ABCG2: variants seen among roughly 807,000 people sequenced by gnomAD.
The protein encoded by ABCG2 is broad substrate specificity ATP-binding cassette transporter ABCG2.
In ABCG2, 80 loss-of-function variants were observed where a neutral mutation model predicts 73.5. The observed-to-expected ratio is 1.09, with a 90% CI of 0.91 to 1.31. The LOEUF is 1.31. ABCG2 is among the 50% of genes most tolerant of loss of function. The pLI is 0.00. For missense variants in ABCG2, 796 were observed against 786.2 expected, an observed-to-expected ratio of 1.01 and a Z score of -0.15; for synonymous variants, 269 against 282.4, an observed-to-expected ratio of 0.95 and a Z score of 0.48.
chr4:88,146,014 G>A (rs549446793), intron 1 of ABCG2, among the ~76,000 whole-genome samples: 6 of 152,054 alleles, frequency 3.9e-5, no homozygotes, highest in South Asian at 2.1e-4. Context: ...AAGGACTAGC[G>A]GGGAGGTAAC....
intron 5 of ABCG2, among the ~76,000 whole-genome samples, chr4:88,125,614 A>C (rs1196204938): frequency 3.4e-5 from 5 of 146,376 alleles, no homozygotes; most frequent in Admixed American, 6.7e-5. Flanking sequence ...TCTCAAAAAA[A>C]AAAAAAAAAA....
upstream of ABCG2, among the ~76,000 whole-genome samples, chr4:88,160,493 A>T (rs781441318): frequency 6.6e-6 from 1 of 152,164 alleles, no homozygotes; most frequent in Non-Finnish European, 1.5e-5. Flanking sequence ...GCACATTTTT[A>T]AAAATGGATA....
At chr4:88,166,062 C>T (rs994132660) in intron 1 of ABCG2, among the ~76,000 whole-genome samples, 31 of 152,162 alleles carry the variant, frequency 2.0e-4, no homozygotes, top group Non-Finnish European at 4.3e-4. Flanking sequence ...AATGGAGGGA[C>T]CCACTGGCAC....
intron 1 of ABCG2, among the ~76,000 whole-genome samples, chr4:88,156,559 A>G (rs1726959037): frequency 6.6e-6 from 1 of 152,130 alleles, no homozygotes; most frequent in South Asian, 2.1e-4. Context: ...ACTGATACAA[A>G]TAACTGAATC....
chr4:88,150,935 C>T (rs1726435756), intron 1 of ABCG2, among the ~76,000 whole-genome samples: 1 of 152,184 alleles, frequency 6.6e-6, no homozygotes, highest in Non-Finnish European at 1.5e-5. Context: ...TCTGCAAAAT[C>T]GCCTGCCCCA....
intron 1 of ABCG2, among the ~76,000 whole-genome samples, chr4:88,230,312 T>A (rs757236091): frequency 0.87 from 100,539 of 115,840 alleles, 43,822 homozygotes; most frequent in East Asian, 0.96. Flanking sequence ...TATATATTTT[T>A]TTTTTTGGCC....
At chr4:88,211,358 G>GA (rs1553900212) in intron 1 of ABCG2, among the ~76,000 whole-genome samples, 1 of 33,648 alleles carries the variant, frequency 3.0e-5, no homozygotes, top group Non-Finnish European at 5.6e-5. Flanking sequence ...TTCAACCCCT[G>GA]CCCCACCCCC....
intron 11 of ABCG2, among the ~76,000 whole-genome samples, chr4:88,099,811 G>A (rs1578171635): frequency 6.6e-6 from 1 of 152,122 alleles, no homozygotes; most frequent in Non-Finnish European, 1.5e-5. Flanking sequence ...CAGCACTTCA[G>A]TAGCCGATTT....
At chr4:88,121,559 C>T in intron 6 of ABCG2, 76 bp downstream of exon 6, 2 of 1,359,808 alleles carry the variant, frequency 1.5e-6, no homozygotes, top group Non-Finnish European at 2.0e-6. Flanking sequence ...CATTTCTGAA[C>T]CCCCTGCCCC....
chr4:88,140,201 T>C (rs868667741), intron 1 of ABCG2, among the ~76,000 whole-genome samples, 187 bp from the exon 2 acceptor site: 5 of 152,182 alleles, frequency 3.3e-5, no homozygotes, highest in Non-Finnish European at 5.9e-5. Context: ...CAGGCACAAC[T>C]TGGAATGCAT....
intron 3 of ABCG2, 83 bp from the exon 4 acceptor site, chr4:88,132,000 G>T: frequency 1.2e-6 from 1 of 850,038 alleles, no homozygotes; most frequent in Non-Finnish European, 1.8e-6. Flanking sequence ...TCCAACACAT[G>T]CTATATATCT....
At chr4:88,217,707 C>G (rs1038259196) in intron 1 of ABCG2, among the ~76,000 whole-genome samples, 2 of 151,884 alleles carry the variant, frequency 1.3e-5, no homozygotes, top group African/African-American at 4.8e-5. Context: ...AACATGGTGG[C>G]TCATGCCTGT....
At chr4:88,133,624 T>C (rs955248856) in intron 2 of ABCG2, among the ~76,000 whole-genome samples, 2 of 152,180 alleles carry the variant, frequency 1.3e-5, no homozygotes, top group Non-Finnish European at 2.9e-5. Flanking sequence ...GTGTTGACTG[T>C]GCTGAGACCC....
intron 1 of ABCG2, among the ~76,000 whole-genome samples, chr4:88,155,129 G>T (rs1165207460): frequency 1.3e-5 from 2 of 152,010 alleles, no homozygotes; most frequent in African/African-American, 4.8e-5. Flanking sequence ...AGTGGGGAAA[G>T]GATTTAGGAT....
chr4:88,179,135 GTGT>G (rs1036101642), intron 1 of ABCG2, among the ~76,000 whole-genome samples: 4 of 152,314 alleles, frequency 2.6e-5, no homozygotes, highest in East Asian at 1.9e-4. Context: ...TGCAGTCCCT[GTGT>G]TGGTGGCCAC....
upstream of ABCG2, among the ~76,000 whole-genome samples, chr4:88,163,408 A>C (rs1727390330): frequency 6.6e-6 from 1 of 152,230 alleles, no homozygotes; most frequent in African/African-American, 2.4e-5. Flanking sequence ...TAGACAGACT[A>C]GAACATGTGT....
chr4:88,224,577 G>A (rs1011484687), intron 1 of ABCG2, among the ~76,000 whole-genome samples: 2 of 151,828 alleles, frequency 1.3e-5, no homozygotes, highest in African/African-American at 4.8e-5. Context: ...CTGCAACCTC[G>A]ACTTCCTGGG....
intron 1 of ABCG2, among the ~76,000 whole-genome samples, chr4:88,177,796 C>T (rs531860732): frequency 6.6e-6 from 1 of 152,172 alleles, no homozygotes; most frequent in African/African-American, 2.4e-5. Context: ...TATGGGACTT[C>T]GCATTGGAAC....
chr4:88,157,229 T>C (rs1455210983), intron 1 of ABCG2, among the ~76,000 whole-genome samples: 2 of 152,126 alleles, frequency 1.3e-5, no homozygotes, highest in Admixed American at 6.5e-5. Flanking sequence ...CAAACACAAA[T>C]TGAGGGGCAT....
Sources: allele counts gnomAD v4.1 joint callset (sites outside exome capture counted in the v4.1 genomes callset), GRCh38; gene constraint gnomAD v4.1.1; transcripts MANE v1.5; gene names NCBI Gene and HGNC (gene_info 2026-07-23, HGNC 2026-07-21).